Variants in WWC2 observed in about 807,000 individuals in gnomAD.
The protein encoded by WWC2 is protein WWC2.
A neutral mutation model predicts 138.5 loss-of-function variants in WWC2; 101 were observed. That is an observed-to-expected ratio of 0.73 (90% CI 0.62 to 0.86). The LOEUF (loss-of-function observed/expected upper bound fraction) is 0.86, where lower values mean the gene tolerates loss of function less well. Among genes scored for constraint, WWC2 ranks in the 40% least tolerant of loss-of-function variants. WWC2 has a pLI of 0.00. For missense variants in WWC2, 1,420 were observed against 1,419.4 expected (o/e 1.00, Z -0.01); for synonymous variants, 558 against 538.4 (o/e 1.04, Z -0.50).
intron 9 of WWC2, among the ~76,000 whole-genome samples, chr4:183,256,298 A>G (rs892423198): frequency 6.6e-6 from 1 of 152,214 alleles, no homozygotes; most frequent in African/African-American, 2.4e-5. Flanking sequence ...GGGATGCTCA[A>G]AGTGACTCAG....
chr4:183,249,791 T>C (rs1187738918), intron 7 of WWC2, 129 bp from the exon 8 acceptor site: 2 of 660,962 alleles, frequency 3.0e-6, no homozygotes, highest in Non-Finnish European at 5.1e-6. Flanking sequence ...TCTTTTAAAA[T>C]TGGTGTTTCC....
intron 1 of WWC2, among the ~76,000 whole-genome samples, chr4:183,184,806 G>A (rs908984356): frequency 1.4e-4 from 21 of 152,274 alleles, no homozygotes; most frequent in Admixed American, 1.2e-3. Context: ...TGCTCTTGAA[G>A]TTATTTTCAA....
chr4:183,187,558 A>AATAATAATAATAATG, intron 1 of WWC2, among the ~76,000 whole-genome samples: 1 of 138,924 alleles, frequency 7.2e-6, no homozygotes, highest in South Asian at 2.3e-4. Context: ...GTCTCAAAAT[A>AATAATAATAATAATG]ATAATAATAA....
chr4:183,110,847 T>C (rs1732207560), intron 1 of WWC2, among the ~76,000 whole-genome samples: 1 of 152,190 alleles, frequency 6.6e-6, no homozygotes, highest in South Asian at 2.1e-4. Context: ...TGTTGTTTTC[T>C]GGTGTGGCCT....
At chr4:183,106,865 G>T (rs1309271015) in intron 1 of WWC2, among the ~76,000 whole-genome samples, 5 of 152,148 alleles carry the variant, frequency 3.3e-5, no homozygotes, top group African/African-American at 1.2e-4. Flanking sequence ...TGGCTGTTAT[G>T]AATGATGCTG....
At chr4:183,311,717 CA>C (rs1330767926) in intron 21 of WWC2, among the ~76,000 whole-genome samples, 2 of 151,794 alleles carry the variant, frequency 1.3e-5, no homozygotes, top group Non-Finnish European at 2.9e-5. Flanking sequence ...GCTGGGACTA[CA>C]GGTGCCCACC....
chr4:183,246,704 CAGCTGGTAAGTAGCA>C (rs1736791917), intron 6 of WWC2, among the ~76,000 whole-genome samples: 1 of 152,144 alleles, frequency 6.6e-6, no homozygotes, highest in Non-Finnish European at 1.5e-5. Context: ...TAAAGTCATA[CAGCTGGTAAGTAGCA>C]AGACTATGGT....
chr4:183,302,452 C>T (rs1403565661), intron 21 of WWC2, among the ~76,000 whole-genome samples: 1 of 152,196 alleles, frequency 6.6e-6, no homozygotes, highest in African/African-American at 2.4e-5. Context: ...GACTATCCAT[C>T]AGCTTAGATT....
At chr4:183,104,472 G>C (rs1743288356) in intron 1 of WWC2, among the ~76,000 whole-genome samples, 1 of 152,124 alleles carries the variant, frequency 6.6e-6, no homozygotes, top group South Asian at 2.1e-4. Flanking sequence ...TACATTTTGA[G>C]TAATAGTATA....
At chr4:183,208,355 G>A (rs1019712244) in intron 3 of WWC2, among the ~76,000 whole-genome samples, 199 bp downstream of exon 3, 1 of 152,168 alleles carries the variant, frequency 6.6e-6, no homozygotes, top group Non-Finnish European at 1.5e-5. Context: ...CCTGTTTGGG[G>A]GTTATGCATG....
intron 11 of WWC2, among the ~76,000 whole-genome samples, chr4:183,262,847 A>G (rs939715733): frequency 6.6e-6 from 1 of 151,902 alleles, no homozygotes; most frequent in Non-Finnish European, 1.5e-5. Flanking sequence ...CCAAGCCTCC[A>G]CTCACATTTT....
At chr4:183,142,625 A>G (rs767904694) in intron 1 of WWC2, among the ~76,000 whole-genome samples, 1 of 152,204 alleles carries the variant, frequency 6.6e-6, no homozygotes, top group African/African-American at 2.4e-5. Context: ...ATTTGTGCCT[A>G]TTTTAATATT....
intron 1 of WWC2, among the ~76,000 whole-genome samples, chr4:183,112,372 C>T (rs138931954): frequency 6.6e-6 from 1 of 152,342 alleles, no homozygotes; most frequent in Non-Finnish European, 1.5e-5. Context: ...CCCCTTCATG[C>T]TCTGTGCTTA....
chr4:183,276,137 C>T (rs935794621), intron 16 of WWC2, among the ~76,000 whole-genome samples: 7 of 152,134 alleles, frequency 4.6e-5, no homozygotes, highest in Middle Eastern at 3.4e-3. Flanking sequence ...AGCTACATAT[C>T]AGCCTTTTTG....
chr4:183,153,030 G>T (rs148669844), intron 1 of WWC2, among the ~76,000 whole-genome samples: 262 of 152,122 alleles, frequency 1.7e-3, no homozygotes, highest in Non-Finnish European at 1.9e-3. Context: ...GCAGTAGCTG[G>T]GATTATAGGT....
At chr4:183,162,713 C>G (rs1318264623) in intron 1 of WWC2, among the ~76,000 whole-genome samples, 1 of 152,076 alleles carries the variant, frequency 6.6e-6, no homozygotes, top group Non-Finnish European at 1.5e-5. Flanking sequence ...GTTTCTTCAG[C>G]CATTCTTCTT....
At chr4:183,211,885 T>TA (rs2111247108) in intron 4 of WWC2, among the ~76,000 whole-genome samples, 1 of 152,050 alleles carries the variant, frequency 6.6e-6, no homozygotes, top group Non-Finnish European at 1.5e-5. Flanking sequence ...ACAGTGGCGC[T>TA]ATCTCAGCTC....
intron 1 of WWC2, among the ~76,000 whole-genome samples, chr4:183,118,816 C>G (rs185149997): frequency 2.5e-4 from 38 of 152,256 alleles, no homozygotes; most frequent in Middle Eastern, 3.4e-3. Flanking sequence ...AGCGTTGAGT[C>G]CTTTTAGCCA....
chr4:183,107,748 T>A (rs1465632066), intron 1 of WWC2, among the ~76,000 whole-genome samples: 3 of 152,160 alleles, frequency 2.0e-5, no homozygotes, highest in Non-Finnish European at 4.4e-5. Context: ...ACTGACATTG[T>A]AGATATGCAT....
Sources: allele counts gnomAD v4.1 joint callset (sites outside exome capture counted in the v4.1 genomes callset), GRCh38; gene constraint gnomAD v4.1.1; transcripts MANE v1.5; gene names NCBI Gene and HGNC (gene_info 2026-07-23, HGNC 2026-07-21).